ZNF215: variants seen among roughly 807,000 people sequenced by gnomAD.
ZNF215 encodes the protein zinc finger protein 215, also known as BWSCR2-associated zinc finger protein 2.
ZNF215 carries 24 observed loss-of-function variants against 27.2 expected under a neutral mutation model. The ratio of observed to expected loss-of-function variants is 0.88; its 90% CI spans 0.64 to 1.24. The LOEUF (loss-of-function observed/expected upper bound fraction) is 1.24. Among genes scored for constraint, ZNF215 ranks in the 50% most tolerant of loss-of-function variants. The pLI, the probability that ZNF215 is intolerant of heterozygous loss-of-function variation, is 0.00. For synonymous variants in ZNF215, 210 were observed against 204.0 expected (o/e 1.03, Z -0.25); for missense variants, 675 against 605.7 (o/e 1.11, Z -1.20).
At chr11:6,959,471 CAA>C (rs948725322), downstream of ZNF215, among the ~76,000 whole-genome samples, 64 of 152,198 alleles carry the variant, frequency 4.2e-4, no homozygotes, top group African/African-American at 1.4e-3. Flanking sequence ...ATTGAAGTAA[CAA>C]GATAAAACTC....
At chr11:6,936,509 C>T (rs1474749201) in intron 3 of ZNF215, among the ~76,000 whole-genome samples, 2 of 151,966 alleles carry the variant, frequency 1.3e-5, no homozygotes, top group African/African-American at 4.8e-5. Flanking sequence ...AAACTTTCAA[C>T]AAAGAAAACT....
chr11:6,972,380 C>T (rs1850735153), intron 5 of ZNF215, among the ~76,000 whole-genome samples: 1 of 147,962 alleles, frequency 6.8e-6, no homozygotes, highest in Admixed American at 7.0e-5. Context: ...TTCATCAGCC[C>T]CCGTTAGACT....
chr11:6,983,714 A>G (rs948309319), intron 5 of ZNF215, among the ~76,000 whole-genome samples: 3 of 152,286 alleles, frequency 2.0e-5, no homozygotes, highest in East Asian at 1.9e-4. Flanking sequence ...GTTTGTATAT[A>G]TTAGAAAATA....
chr11:6,944,212 C>A (rs1849736132), intron 6 of ZNF215, among the ~76,000 whole-genome samples: 1 of 151,914 alleles, frequency 6.6e-6, no homozygotes, highest in African/African-American at 2.4e-5. Flanking sequence ...GGAGGCGGAG[C>A]TTGCAGTGAG....
At chr11:6,938,130 C>T (rs1008088467) in intron 3 of ZNF215, among the ~76,000 whole-genome samples, 2 of 151,912 alleles carry the variant, frequency 1.3e-5, no homozygotes, top group African/African-American at 4.8e-5. Flanking sequence ...ATATAAAGAA[C>T]TCTTACAATT....
chr11:6,942,726 C>G (rs1020905354), intron 4 of ZNF215, among the ~76,000 whole-genome samples: 2 of 152,190 alleles, frequency 1.3e-5, no homozygotes, highest in East Asian at 1.9e-4. Context: ...CTACCACAAA[C>G]TCTTGCTGTT....
At chr11:6,929,770 C>A in intron 2 of ZNF215, among the ~76,000 whole-genome samples, 1 of 149,726 alleles carries the variant, frequency 6.7e-6, no homozygotes, top group African/African-American at 2.5e-5. Flanking sequence ...GTAAATTTAC[C>A]TTCCCCCTCC....
At chr11:6,951,398 C>G in intron 6 of ZNF215, among the ~76,000 whole-genome samples, 1 of 152,170 alleles carries the variant, frequency 6.6e-6, no homozygotes, top group Non-Finnish European at 1.5e-5. Context: ...TTGATTGTTG[C>G]CATAATTTCA....
intron 6 of ZNF215, among the ~76,000 whole-genome samples, chr11:6,950,799 C>G (rs368636940): frequency 0.12 from 15,347 of 129,492 alleles, 1,154 homozygotes; most frequent in Middle Eastern, 0.18. Context: ...GAGGGCATCC[C>G]TGTCTTGTGC....
chr11:6,992,960 C>T (rs1480820963), downstream of ZNF215, among the ~76,000 whole-genome samples: 3 of 152,190 alleles, frequency 2.0e-5, no homozygotes, highest in Non-Finnish European at 4.4e-5. Flanking sequence ...CAAGGATAAA[C>T]TCCTATGATG....
chr11:6,952,189 G>C (rs886970189), intron 6 of ZNF215, among the ~76,000 whole-genome samples: 1 of 152,128 alleles, frequency 6.6e-6, no homozygotes, highest in Non-Finnish European at 1.5e-5. Context: ...GTGGTGTGGT[G>C]CTGAAAAAAA....
chr11:6,971,245 C>T (rs1850712785), intron 5 of ZNF215, among the ~76,000 whole-genome samples: 1 of 152,146 alleles, frequency 6.6e-6, no homozygotes, highest in Admixed American at 6.6e-5. Flanking sequence ...CTGAACATAG[C>T]AGATGTTAAA....
chr11:6,974,900 A>T (rs984352850), intron 5 of ZNF215, among the ~76,000 whole-genome samples: 1 of 152,076 alleles, frequency 6.6e-6, no homozygotes, highest in Admixed American at 6.6e-5. Flanking sequence ...CTCCTGCCTG[A>T]TTGCCCTGGC....
Position 6,956,409 on chromosome 11 carries a change from A to G in ZNF215, c.1432A>G (p.Ile478Val), listed in dbSNP as rs1405542687. 3.1e-6 allele frequency: 5 copies of G among 1,614,200 alleles called. No homozygotes were observed. Among genetic ancestry groups the G allele is most frequent in the Non-Finnish European group, 4.2e-6 (5 of 1,180,024 alleles). Residue 478 changes from isoleucine to valine, a missense_variant, in exon 7 of 7, where the codon ATT becomes GTT. Physicochemically the swap from Ile to Val is conservative, Grantham distance 29 (BLOSUM62 3). Transcript: ENST00000278319. ...GKSFNRSSSL[I>V]RHQMIHTGEK... ...ATCCTTCAACCGGAGCTCCTCTCTT[A>G]TTCGACACCAAATGATTCACACGGG... is the stretch of plus-strand genomic sequence containing the variant.
rs1849108934 is a variant in ZNF215, at chr11:6,927,785, T to A, written c.-202T>A. The A allele has an allele frequency of 6.6e-6, 1 of 152,260 alleles. No homozygotes were observed. Among genetic ancestry groups the A allele is most frequent in the Admixed American group, 6.5e-5 (1 of 15,290 alleles). 9.4% of individuals were successfully genotyped at this position (152,260 alleles called of 1,614,324 possible). A position where few individuals can be genotyped will look rare whatever the true frequency, so the allele number is the denominator to read the frequency against. ...ATGCCATCCTGAACGTCTCTCCCTG[T>A]CCTAGCTCTGTAACTGTTTACAGTG... On this transcript the variant is annotated 5_prime_UTR_variant, in exon 2 of 7. It introduces an in-frame stop codon into an upstream open reading frame of the 5' UTR. Transcript: ENST00000278319.
intron 5 of ZNF215, among the ~76,000 whole-genome samples, chr11:6,974,600 T>C (rs1223649763): frequency 6.6e-6 from 1 of 152,124 alleles, no homozygotes; most frequent in Non-Finnish European, 1.5e-5. Context: ...CTTGAAGAGG[T>C]CCTTCACATC....
At chr11:6,954,691 T>C (rs956773467) in intron 6 of ZNF215, among the ~76,000 whole-genome samples, 10 of 152,198 alleles carry the variant, frequency 6.6e-5, no homozygotes, top group Non-Finnish European at 1.3e-4. Flanking sequence ...GCTTCCCGAG[T>C]GAAGCAATGC....
At chr11:6,984,719 A>G (rs1227145317), downstream of ZNF215, 3 of 152,206 alleles carry the variant, frequency 2.0e-5, no homozygotes, top group African/African-American at 7.2e-5. Context: ...AAACTAAGAT[A>G]TAAATTGGTA....
chr11:6,940,520 G>C (rs1027539212), intron 3 of ZNF215, among the ~76,000 whole-genome samples: 42 of 152,162 alleles, frequency 2.8e-4, no homozygotes, highest in Admixed American at 2.0e-3. Context: ...ATGTTGCTTA[G>C]GCTGGTCTTG....
Sources: allele counts gnomAD v4.1 joint callset (sites outside exome capture counted in the v4.1 genomes callset), GRCh38; gene constraint gnomAD v4.1.1; transcripts MANE v1.5; gene names NCBI Gene and HGNC (gene_info 2026-07-23, HGNC 2026-07-21).